SYN3: variants seen among roughly 807,000 people sequenced by gnomAD.
SYN3 encodes the protein synapsin III, also known as synapsin-3.
Under a neutral mutation model 65.8 loss-of-function variants are expected in SYN3, and 35 were observed. The observed-to-expected ratio is 0.53, with a 90% CI of 0.41 to 0.70. SYN3 has a LOEUF of 0.70. Among genes scored for constraint, SYN3 ranks in the 30% least tolerant of loss-of-function variants. The pLI is 0.00. For missense variants in SYN3, 680 were observed against 749.0 expected (o/e 0.91, Z 1.08); for synonymous variants, 270 against 292.9 (o/e 0.92, Z 0.80).
At chr22:32,865,170 C>G (rs1355480139) in intron 5 of SYN3, among the ~76,000 whole-genome samples, 166 bp from the exon 6 acceptor site, 18 of 152,162 alleles carry the variant, frequency 1.2e-4, no homozygotes, top group Admixed American at 1.1e-3. Context: ...GCTGGACATT[C>G]ATCCTCTCCA....
intron 6 of SYN3, among the ~76,000 whole-genome samples, chr22:32,677,287 C>G (rs984351942): frequency 7.1e-6 from 1 of 141,822 alleles, no homozygotes; most frequent in Non-Finnish European, 1.5e-5. Context: ...ATCCAGCTTT[C>G]GAGGAGTGTG....
intron 6 of SYN3, among the ~76,000 whole-genome samples, chr22:32,696,273 C>A (rs1288701985): frequency 6.6e-6 from 1 of 152,194 alleles, no homozygotes. Context: ...TAGATCACAT[C>A]TGTTCACATT....
intron 7 of SYN3, among the ~76,000 whole-genome samples, chr22:32,549,669 TG>T (rs1308533507): frequency 4.6e-5 from 7 of 152,110 alleles, no homozygotes; most frequent in Non-Finnish European, 7.4e-5. Flanking sequence ...GAGGCCAAAG[TG>T]GGTGGATCAC....
intron 6 of SYN3, among the ~76,000 whole-genome samples, chr22:32,756,109 T>C (rs925375703): frequency 1.3e-5 from 2 of 151,914 alleles, no homozygotes; most frequent in Non-Finnish European, 2.9e-5. Flanking sequence ...TTAGGAGAAA[T>C]ACCTAATGTA....
chr22:32,672,364 A>G lies in SYN3; in HGVS notation c.712-75628T>C, dbSNP rs2060383224. 2.0e-5 allele frequency among the ~76,000 whole-genome samples: 3 copies of G among 152,252 alleles called. No homozygotes were observed. In the South Asian group the frequency reaches 6.2e-4, roughly 32 times the overall value. On this transcript the variant is annotated intron_variant, in intron 6 of 13. Coordinates refer to ENST00000358763, the MANE Select transcript of SYN3 (RefSeq NM_003490.4). Reference sequence around the variant, plus strand: ...TAAACATATGTAGATGAGGAATAAAATTAAGATGCATGGTATGTTTTGGTT... The same window carrying G: ...TAAACATATGTAGATGAGGAATAAAGTTAAGATGCATGGTATGTTTTGGTT...
At chr22:33,025,584 A>T (rs1454884353) in intron 1 of SYN3, among the ~76,000 whole-genome samples, 2 of 151,402 alleles carry the variant, frequency 1.3e-5, no homozygotes, top group Non-Finnish European at 2.9e-5. Flanking sequence ...CAGTGAGCTG[A>T]GATCGCACCA....
chr22:32,788,359 A>T (rs77223231), intron 6 of SYN3, among the ~76,000 whole-genome samples: 2 of 152,136 alleles, frequency 1.3e-5, no homozygotes. Flanking sequence ...GGCCAACATG[A>T]TGAAACCCCA....
Position 32,530,712 on chromosome 22 carries a change from A to G in SYN3, c.1096-1704T>C, listed in dbSNP as rs554169836. 1.4e-4 allele frequency among the ~76,000 whole-genome samples: 22 copies of G among 152,224 alleles called. 1 individual carries two copies. The South Asian group carries it at 3.3e-3, about 23-fold the overall frequency. Reference sequence around the variant, plus strand: ...AGGAAACTGAAAAGCTAGCTTAAGAATGTGAATACTGGCTGGGCGCGGTGG... The same window carrying G: ...AGGAAACTGAAAAGCTAGCTTAAGAGTGTGAATACTGGCTGGGCGCGGTGG... On this transcript the variant is annotated intron_variant, in intron 10 of 13. Coordinates refer to ENST00000358763, the MANE Select transcript of SYN3 (RefSeq NM_003490.4).
At chr22:32,698,730 T>A (rs939259731) in intron 6 of SYN3, among the ~76,000 whole-genome samples, 2 of 152,210 alleles carry the variant, frequency 1.3e-5, no homozygotes, top group Non-Finnish European at 2.9e-5. Context: ...GAAATACACA[T>A]TGTTATTGAA....
Position 32,509,156 on chromosome 22 carries a change from C to G in SYN3, c.*4536G>C, listed in dbSNP as rs1264579480. On this transcript the variant is annotated 3_prime_UTR_variant, in exon 14 of 14. Coordinates refer to ENST00000358763, the MANE Select transcript of SYN3 (RefSeq NM_003490.4). ...TAACCAAAGTACGGTACCATTTTAT[C>G]GCGCTGACGGGAGGAAGATCTGGAA... Among the ~76,000 whole-genome samples the G allele has an allele frequency of 6.6e-6, 1 of 152,166 alleles. No homozygotes were observed. The highest frequency in any genetic ancestry group is 1.5e-5 in the Non-Finnish European group (1 of 68,026).
At chr22:32,699,876 C>A (rs145529038) in intron 6 of SYN3, among the ~76,000 whole-genome samples, 25 of 152,270 alleles carry the variant, frequency 1.6e-4, no homozygotes, top group African/African-American at 5.8e-4. Flanking sequence ...GTCTATGACT[C>A]ATACCGCCCA....
chr22:32,584,409 C>T (rs918265267), intron 7 of SYN3, among the ~76,000 whole-genome samples: 4 of 152,128 alleles, frequency 2.6e-5, no homozygotes, highest in African/African-American at 9.7e-5. Context: ...GTTCCCCACC[C>T]CACCGGGTGA....
At chr22:32,736,213 T>G (rs1441987975) in intron 6 of SYN3, among the ~76,000 whole-genome samples, 1 of 152,230 alleles carries the variant, frequency 6.6e-6, no homozygotes, top group African/African-American at 2.4e-5. Context: ...AATCAAGAGA[T>G]AGAACATTTC....
chr22:32,922,481 T>G (rs1425817877), intron 4 of SYN3, among the ~76,000 whole-genome samples: 1 of 152,176 alleles, frequency 6.6e-6, no homozygotes, highest in Non-Finnish European at 1.5e-5. Context: ...AAATAAAAGT[T>G]CATGAATTTT....
chr22:32,992,785 C>G (rs904484069), intron 2 of SYN3, among the ~76,000 whole-genome samples: 21 of 152,188 alleles, frequency 1.4e-4, no homozygotes, highest in African/African-American at 5.1e-4. Context: ...TGCACTCCAG[C>G]CTGGGTGACA....
chr22:32,807,362 A>AT (rs1569239675), intron 6 of SYN3, among the ~76,000 whole-genome samples: 1 of 4,978 alleles, frequency 2.0e-4, no homozygotes, highest in South Asian at 0.036. Flanking sequence ...TATAATATAT[A>AT]ATATATATTA....
intron 4 of SYN3, among the ~76,000 whole-genome samples, chr22:32,919,654 T>TA (rs2050284598): frequency 6.6e-6 from 1 of 152,160 alleles, no homozygotes; most frequent in Non-Finnish European, 1.5e-5. Context: ...AATTTGAAAT[T>TA]AAAAGTTCAG....
intron 1 of SYN3, among the ~76,000 whole-genome samples, chr22:33,034,372 G>C (rs754812660): frequency 6.6e-6 from 1 of 151,458 alleles, no homozygotes; most frequent in African/African-American, 2.4e-5. Context: ...TCAGCCTCCC[G>C]AGTAGGTGGG....
chr22:32,879,571 T>C (rs2049072788), intron 4 of SYN3, among the ~76,000 whole-genome samples: 1 of 152,158 alleles, frequency 6.6e-6, no homozygotes, highest in African/African-American at 2.4e-5. Flanking sequence ...AGGGCATTAA[T>C]CCCATCCATG....
Sources: gnomAD v4.1 joint callset for allele counts (sites outside exome capture counted in the v4.1 genomes callset) on GRCh38, gnomAD v4.1.1 for gene constraint, MANE v1.5 for transcripts, NCBI Gene and HGNC (gene_info 2026-07-23, HGNC 2026-07-21) for gene names.